IP6K2: variants seen among roughly 807,000 people sequenced by gnomAD.
IP6K2 encodes the protein inositol hexakisphosphate kinase 2, also known as ATP:1D-myo-inositol-hexakisphosphate phosphotransferase.
In IP6K2, 9 loss-of-function variants were observed where a neutral mutation model predicts 43.3. That is an observed-to-expected ratio of 0.21 (90% confidence interval 0.13 to 0.36). The LOEUF is 0.36. IP6K2 is among the 10% of genes least tolerant of loss of function. IP6K2 has a pLI of 1.00. For missense variants in IP6K2, 332 were observed against 538.4 expected (o/e 0.62, Z 3.79); for synonymous variants, 209 against 202.4 (o/e 1.03, Z -0.28).
At chr3:48,707,710 T>A (rs1453343630) in intron 1 of IP6K2, among the ~76,000 whole-genome samples, 1 of 152,152 alleles carries the variant, frequency 6.6e-6, no homozygotes. Context: ...AGTGCTGGGA[T>A]TACAGGTGTG....
At chr3:48,694,552 A>C in intron 2 of IP6K2, 1 of 1,521,776 alleles carries the variant, frequency 6.6e-7, no homozygotes. Flanking sequence ...AAAAAGAAAT[A>C]AAAAATTATC....
At chr3:48,693,726 C>T in intron 2 of IP6K2, 1 of 1,044,792 alleles carries the variant, frequency 9.6e-7, no homozygotes, top group Non-Finnish European at 1.2e-6. Context: ...CTAGCAAAGG[C>T]TTCCCACAGT....
chr3:48,697,762 T>G lies in IP6K2; in HGVS notation c.-130-2341A>C, dbSNP rs1260645341. On this transcript the variant is annotated intron_variant, in intron 1 of 5. Transcript: ENST00000328631. The stretch of plus-strand genomic sequence containing the variant: ...GACACGATCATAGCTCAAAACACCC[T>G]CAAACTCCTGGGCTCAAGGGATCTG... Among the ~76,000 whole-genome samples, 4 of 152,170 alleles carry G rather than the reference T, an allele frequency of 2.6e-5. No individual in the cohort carries two copies. In the East Asian group the frequency reaches 7.7e-4, roughly 29 times the overall value.
At chr3:48,702,825 G>GA (rs1235822504) in intron 1 of IP6K2, among the ~76,000 whole-genome samples, 1 of 152,128 alleles carries the variant, frequency 6.6e-6, no homozygotes, top group Non-Finnish European at 1.5e-5. Flanking sequence ...ATTCACTGCT[G>GA]AATCTCCAGG....
At chr3:48,699,711 T>C (rs2078817492) in intron 1 of IP6K2, 1 of 152,182 alleles carries the variant, frequency 6.6e-6, no homozygotes. Flanking sequence ...TGGAGCCACA[T>C]TTTAGTACCA....
intron 2 of IP6K2, chr3:48,693,960 G>A: frequency 7.3e-7 from 1 of 1,372,638 alleles, no homozygotes; most frequent in Non-Finnish European, 9.4e-7. Flanking sequence ...TCAGGTGGGG[G>A]CGTTTCAGCA....
At chr3:48,694,782 T>TC in intron 2 of IP6K2, 1 of 1,533,018 alleles carries the variant, frequency 6.5e-7, no homozygotes, top group Non-Finnish European at 8.7e-7. Flanking sequence ...TCCCCCACCG[T>TC]CCCCCCAGTG....
At chr3:48,689,855 A>AG in intron 4 of IP6K2, 142 bp from the exon 5 acceptor site, 1 of 659,094 alleles carries the variant, frequency 1.5e-6, no homozygotes, top group Non-Finnish European at 2.6e-6. Flanking sequence ...TCCCCGACAC[A>AG]GGGAGTCCAG....
chr3:48,708,056 T>C (rs2080022944), intron 1 of IP6K2: 1 of 150,854 alleles, frequency 6.6e-6, no homozygotes, highest in South Asian at 2.1e-4. Flanking sequence ...CTGGGCAAGA[T>C]GGGGACACCC....
At position 48,715,514 on chromosome 3, in the gene IP6K2, T is replaced by C. The variant is rs770955850; in HGVS notation, c.-131+1643A>G. On this transcript the variant is annotated intron_variant, in intron 1 of 5. Coordinates refer to ENST00000328631, the MANE Select transcript of IP6K2 (RefSeq NM_016291.4). ...AGGGCTAGCATACAGTGTACCTGTC[T>C]GTCACCTAGGAAGCTTTGAAACACA... is the stretch of plus-strand genomic sequence containing the variant. The C allele has an allele frequency of 1.8e-4, 267 of 1,496,816 alleles. 1 individual carries two copies. The Middle Eastern group carries it at 2.6e-3, about 15-fold the overall frequency. The allele number at this position is 1,496,816 out of a possible 1,614,324, so 92.7% of individuals were successfully genotyped here.
chr3:48,698,532 C>T (rs370011975), intron 1 of IP6K2, among the ~76,000 whole-genome samples: 51 of 152,218 alleles, frequency 3.4e-4, no homozygotes, highest in African/African-American at 1.1e-3. Context: ...TGCAGTGGCG[C>T]GACCTTGGCT....
chr3:48,692,747 G>C (rs2077908434), intron 3 of IP6K2, among the ~76,000 whole-genome samples: 1 of 152,256 alleles, frequency 6.6e-6, no homozygotes, highest in Non-Finnish European at 1.5e-5. Context: ...ACAGCTGCCA[G>C]TGCAGCTGTT....
At position 48,690,474 on chromosome 3, in the gene IP6K2, AAGGGG is replaced by A. The variant is rs529916717; in HGVS notation, c.605-766_605-762del. Among the ~76,000 whole-genome samples the A allele has an allele frequency of 1.7e-3, 257 of 151,638 alleles. 1 individual carries two copies. Among genetic ancestry groups the A allele is most frequent in the Admixed American group, 5.8e-3 (88 of 15,246 alleles). Reference sequence around the variant, plus strand: ...AACACAGTGAGACCTTACCTCTACAAAGGGGAGGGGAGGGGAGGGGCAGGGAGGAA... The same window carrying A: ...AACACAGTGAGACCTTACCTCTACAAAGGGGAGGGGAGGGGCAGGGAGGAA... On this transcript the variant is annotated intron_variant, in intron 4 of 5. Coordinates refer to ENST00000328631, the MANE Select transcript of IP6K2 (RefSeq NM_016291.4).
chr3:48,693,984 G>T, intron 2 of IP6K2: 2 of 1,373,214 alleles, frequency 1.5e-6, no homozygotes, highest in Non-Finnish European at 1.9e-6. Context: ...GCCGACGAGC[G>T]CCTTACAAAC....
intron 2 of IP6K2, chr3:48,694,759 C>A (rs1041284461): frequency 2.0e-6 from 3 of 1,524,128 alleles, no homozygotes; most frequent in African/African-American, 1.4e-5. Context: ...TGGGTAAAAT[C>A]CTCCCAAAGT....
intron 1 of IP6K2, among the ~76,000 whole-genome samples, chr3:48,700,737 T>C (rs1378678474): frequency 1.3e-5 from 2 of 152,182 alleles, no homozygotes; most frequent in African/African-American, 2.4e-5. Context: ...ATCCAGAATT[T>C]AGTTAAAGAG....
chr3:48,712,532 C>T (rs2080669904), intron 1 of IP6K2, among the ~76,000 whole-genome samples: 1 of 151,906 alleles, frequency 6.6e-6, no homozygotes. Flanking sequence ...AGGCATGAGC[C>T]ACCATGCCCG....
At chr3:48,712,405 G>A (rs1317850630) in intron 1 of IP6K2, among the ~76,000 whole-genome samples, 1 of 151,600 alleles carries the variant, frequency 6.6e-6, no homozygotes, top group Non-Finnish European at 1.5e-5. Flanking sequence ...ACCACACCCG[G>A]CTAATTTTTT....
intron 1 of IP6K2, among the ~76,000 whole-genome samples, chr3:48,715,719 T>C: frequency 6.6e-6 from 1 of 150,728 alleles, no homozygotes. Context: ...TCTCTCTTTT[T>C]TTTTTTTTTT....
Sources: allele counts gnomAD v4.1 joint callset (sites outside exome capture counted in the v4.1 genomes callset), GRCh38; gene constraint gnomAD v4.1.1; transcripts MANE v1.5; gene names NCBI Gene and HGNC (gene_info 2026-07-23, HGNC 2026-07-21).